Variants in EGFLAM observed in about 807,000 individuals in gnomAD.
EGFLAM encodes the protein pikachurin.
Under a neutral mutation model 113.1 loss-of-function variants are expected in EGFLAM, and 79 were observed. The observed-to-expected ratio is 0.70, with a 90% CI of 0.58 to 0.84. EGFLAM has a LOEUF of 0.84. EGFLAM is among the 40% of genes least tolerant of loss of function. EGFLAM has a pLI of 0.00. For missense variants in EGFLAM, 1,265 were observed against 1,291.6 expected (o/e 0.98, Z 0.32); for synonymous variants, 504 against 487.6 (o/e 1.03, Z -0.44).
At chr5:38,363,170 T>C (rs1561048431) in intron 5 of EGFLAM, among the ~76,000 whole-genome samples, 3 of 152,204 alleles carry the variant, frequency 2.0e-5, no homozygotes, top group Admixed American at 6.5e-5. Context: ...TGCAATTCAT[T>C]TAGTGTAGAG....
intron 3 of EGFLAM, among the ~76,000 whole-genome samples, chr5:38,345,004 G>A (rs988847923): frequency 1.3e-5 from 2 of 152,184 alleles, no homozygotes; most frequent in Non-Finnish European, 2.9e-5. Flanking sequence ...TGAGAGACGA[G>A]TCATCCAGGT....
At chr5:38,325,954 G>A (rs953250679) in intron 1 of EGFLAM, among the ~76,000 whole-genome samples, 9 of 151,680 alleles carry the variant, frequency 5.9e-5, no homozygotes, top group East Asian at 1.9e-4. Context: ...TTATGTTTAC[G>A]TATATATTAA....
At chr5:38,326,821 CAG>C (rs1315869213) in intron 1 of EGFLAM, among the ~76,000 whole-genome samples, 2 of 140,182 alleles carry the variant, frequency 1.4e-5, no homozygotes, top group Admixed American at 1.4e-4. Flanking sequence ...TTTTTTGAGA[CAG>C]AGTTTTGCTC....
At chr5:38,270,421 A>C (rs1485331845) in intron 1 of EGFLAM, among the ~76,000 whole-genome samples, 1 of 152,088 alleles carries the variant, frequency 6.6e-6, no homozygotes, top group African/African-American at 2.4e-5. Flanking sequence ...GATTTCTGTT[A>C]GTTTCTCAAA....
intron 1 of EGFLAM, among the ~76,000 whole-genome samples, chr5:38,312,243 A>ATTTTTTT (rs35055096): frequency 7.1e-6 from 1 of 140,242 alleles, no homozygotes; most frequent in African/African-American, 2.6e-5. Flanking sequence ...TGTATCTCAG[A>ATTTTTTT]TTTTTTTTTT....
chr5:38,299,040 T>A (rs1758512528), intron 1 of EGFLAM, among the ~76,000 whole-genome samples: 1 of 152,194 alleles, frequency 6.6e-6, no homozygotes, highest in African/African-American at 2.4e-5. Context: ...TTTCTTCCTA[T>A]GTAACAGTTG....
intron 1 of EGFLAM, among the ~76,000 whole-genome samples, chr5:38,283,055 G>T (rs977173171): frequency 1.3e-5 from 2 of 152,078 alleles, no homozygotes; most frequent in Non-Finnish European, 2.9e-5. Flanking sequence ...AGGTCTCATT[G>T]TATTGCTCAG....
At chr5:38,418,327 G>C in intron 12 of EGFLAM, 72 bp downstream of exon 12, 1 of 1,538,986 alleles carries the variant, frequency 6.5e-7, no homozygotes, top group Non-Finnish European at 8.8e-7. Context: ...TTCTGGCTTG[G>C]GCCATGGAGG....
chr5:38,329,745 G>A (rs1274424706), intron 1 of EGFLAM, among the ~76,000 whole-genome samples: 3 of 152,074 alleles, frequency 2.0e-5, no homozygotes, highest in Non-Finnish European at 4.4e-5. Flanking sequence ...GTTCCTATGG[G>A]TCTATTGCAC....
chr5:38,338,627 G>A, intron 2 of EGFLAM, 71 bp from the exon 3 acceptor site: 6 of 1,430,172 alleles, frequency 4.2e-6, no homozygotes, highest in Non-Finnish European at 5.9e-6. Flanking sequence ...GCCACTGTGA[G>A]TGCAATTACA....
At chr5:38,302,233 T>C (rs1758598504) in intron 1 of EGFLAM, among the ~76,000 whole-genome samples, 1 of 125,350 alleles carries the variant, frequency 8.0e-6, no homozygotes, top group African/African-American at 3.3e-5. Context: ...TGAAAGTCCA[T>C]CTCAAAAAAA....
intron 1 of EGFLAM, among the ~76,000 whole-genome samples, chr5:38,282,098 CA>C (rs879455394): frequency 2.6e-5 from 4 of 152,110 alleles, no homozygotes; most frequent in Non-Finnish European, 5.9e-5. Context: ...TTTATGGTCT[CA>C]ATATGTTTTA....
chr5:38,438,817 A>T (rs1172868578), intron 17 of EGFLAM, among the ~76,000 whole-genome samples: 1 of 152,186 alleles, frequency 6.6e-6, no homozygotes, highest in African/African-American at 2.4e-5. Flanking sequence ...TGATAGATGA[A>T]TGCCTATGCT....
intron 17 of EGFLAM, among the ~76,000 whole-genome samples, chr5:38,440,456 C>T (rs970604555): frequency 5.9e-5 from 9 of 152,198 alleles, no homozygotes; most frequent in East Asian, 1.9e-4. Flanking sequence ...AGTTGCCATG[C>T]CGACTGCTCT....
chr5:38,394,701 G>C (rs1052945418), intron 6 of EGFLAM, among the ~76,000 whole-genome samples: 25 of 137,082 alleles, frequency 1.8e-4, no homozygotes, highest in African/African-American at 6.5e-4. Context: ...GAGCCACCGC[G>C]CCGGGCCCAC....
chr5:38,338,839 T>A, intron 3 of EGFLAM, 58 bp downstream of exon 3: 2 of 1,445,026 alleles, frequency 1.4e-6, no homozygotes, highest in South Asian at 2.3e-5. Flanking sequence ...TTCGGGCGGA[T>A]TGCTGATTTG....
intron 6 of EGFLAM, among the ~76,000 whole-genome samples, chr5:38,371,709 CTCT>C (rs1472142612): frequency 2.6e-5 from 4 of 152,162 alleles, no homozygotes; most frequent in Admixed American, 6.5e-5. Flanking sequence ...AATGTTTTCA[CTCT>C]TCTTCTTTAG....
intron 1 of EGFLAM, among the ~76,000 whole-genome samples, chr5:38,313,472 G>A (rs7706542): frequency 0.15 from 22,397 of 152,080 alleles, 1,906 homozygotes; most frequent in African/African-American, 0.23. Flanking sequence ...GAACATGCTC[G>A]TGCATAAAAT....
At chr5:38,262,879 G>A (rs761863985) in intron 1 of EGFLAM, among the ~76,000 whole-genome samples, 1 of 152,178 alleles carries the variant, frequency 6.6e-6, no homozygotes, top group African/African-American at 2.4e-5. Flanking sequence ...GCAGGTATAT[G>A]TTGAGCTGGA....
Sources: gnomAD v4.1 joint callset for allele counts (sites outside exome capture counted in the v4.1 genomes callset) on GRCh38, gnomAD v4.1.1 for gene constraint, MANE v1.5 for transcripts, NCBI Gene and HGNC (gene_info 2026-07-23, HGNC 2026-07-21) for gene names.